CCDC178: variants seen among roughly 807,000 people sequenced by gnomAD.
CCDC178 encodes the protein coiled-coil domain-containing protein 178.
CCDC178 carries 126 observed loss-of-function variants against 117.4 expected under a neutral mutation model. That is an observed-to-expected ratio of 1.07 (90% confidence interval 0.93 to 1.24). The LOEUF (loss-of-function observed/expected upper bound fraction) is 1.24. Among genes scored for constraint, CCDC178 ranks in the 50% most tolerant of loss-of-function variants. CCDC178 has a pLI of 0.00. For missense variants in CCDC178, 1,030 were observed against 986.9 expected, an observed-to-expected ratio of 1.04 and a Z score of -0.59; for synonymous variants, 283 against 313.4, an observed-to-expected ratio of 0.90 and a Z score of 1.02.
At chr18:33,094,370 A>AT (rs2057511324) in intron 20 of CCDC178, among the ~76,000 whole-genome samples, 1 of 152,030 alleles carries the variant, frequency 6.6e-6, no homozygotes, top group Non-Finnish European at 1.5e-5. Context: ...AGCTATACTA[A>AT]TTTAAGATTT....
chr18:32,999,633 C>T (rs557172086), intron 21 of CCDC178, among the ~76,000 whole-genome samples: 51 of 152,222 alleles, frequency 3.4e-4, no homozygotes, highest in African/African-American at 1.2e-3. Flanking sequence ...CCATGCAGCT[C>T]AGCACAGAGA....
chr18:33,330,997 T>C (rs2062659479), intron 10 of CCDC178, among the ~76,000 whole-genome samples: 1 of 149,798 alleles, frequency 6.7e-6, no homozygotes, highest in Non-Finnish European at 1.5e-5. Context: ...ACTGTCATTT[T>C]GGCCCTGATA....
At chr18:33,288,700 T>G (rs1215588161) in intron 12 of CCDC178, among the ~76,000 whole-genome samples, 2 of 152,034 alleles carry the variant, frequency 1.3e-5, no homozygotes, top group African/African-American at 2.4e-5. Flanking sequence ...GTTCAAAGCA[T>G]AAGGAAGAAA....
chr18:33,253,378 T>C lies in CCDC178; in HGVS notation c.1410-7950A>G, dbSNP rs572489949. 2.6e-5 allele frequency among the ~76,000 whole-genome samples: 4 copies of C among 151,958 alleles called. No individual in the cohort carries two copies. The East Asian group carries it at 7.8e-4, about 30-fold the overall frequency. On this transcript the variant is annotated intron_variant, in intron 14 of 22. Coordinates refer to ENST00000383096, the MANE Select transcript of CCDC178 (RefSeq NM_001105528.4). ...AAATGACATCAAATGTTGAGATAGT[T>C]TTCTAATGGAATCTTAGTGTACATA...
chr18:33,182,212 C>T (rs2058739949), intron 20 of CCDC178, among the ~76,000 whole-genome samples: 1 of 151,792 alleles, frequency 6.6e-6, no homozygotes, highest in Non-Finnish European at 1.5e-5. Context: ...AGACACAGTT[C>T]CTTCAAGACT....
chr18:33,370,341 C>A (rs2063280678), intron 5 of CCDC178, 152 bp from the exon 6 acceptor site: 1 of 432,052 alleles, frequency 2.3e-6, no homozygotes, highest in East Asian at 3.6e-5. Context: ...AATTATAGAA[C>A]AAATCTTTAA....
rs1326263718 is a variant in CCDC178, at chr18:33,346,420, GAAAT to G, written c.458-13_458-10del. The G allele has an allele frequency of 2.5e-6, 4 of 1,576,086 alleles. No homozygotes were observed. In the South Asian group the frequency reaches 3.4e-5, roughly 13 times the overall value. On this transcript the variant is annotated splice_polypyrimidine_tract_variant and intron_variant, in intron 8 of 22. Coordinates refer to ENST00000383096, the MANE Select transcript of CCDC178 (RefSeq NM_001105528.4). ...CTCTGGACACTTTTCATCTTAAACAGAAATAAATATTCACATTTGTTAATAAATC... is the reference window on the plus strand; with the variant it reads ...CTCTGGACACTTTTCATCTTAAACAGAAATATTCACATTTGTTAATAAATC...
intron 20 of CCDC178, among the ~76,000 whole-genome samples, chr18:33,161,211 A>C (rs539740511): frequency 6.6e-6 from 1 of 152,290 alleles, no homozygotes; most frequent in Non-Finnish European, 1.5e-5. Flanking sequence ...GACCTTGGAA[A>C]ATCAAAGATC....
chr18:33,275,200 C>G (rs2059933553), intron 12 of CCDC178, among the ~76,000 whole-genome samples: 1 of 151,796 alleles, frequency 6.6e-6, no homozygotes, highest in Non-Finnish European at 1.5e-5. Context: ...TTTAAAAATA[C>G]CAACCATTCT....
intron 16 of CCDC178, 52 bp downstream of exon 16, chr18:33,226,741 G>A: frequency 7.7e-7 from 1 of 1,299,872 alleles, no homozygotes; most frequent in South Asian, 1.3e-5. Context: ...AAAATGCTAA[G>A]TAAAATGCAA....
At chr18:33,303,669 T>C (rs986687952) in intron 11 of CCDC178, among the ~76,000 whole-genome samples, 9 of 149,602 alleles carry the variant, frequency 6.0e-5, no homozygotes, top group African/African-American at 2.0e-4. Flanking sequence ...AAACATAAAG[T>C]CTAGTTTTTA....
intron 11 of CCDC178, among the ~76,000 whole-genome samples, chr18:33,304,075 GAA>G (rs2144920058): frequency 6.6e-6 from 1 of 152,242 alleles, no homozygotes; most frequent in East Asian, 1.9e-4. Context: ...GCAAAAAAAA[GAA>G]GTGATGGATT....
chr18:32,955,647 A>G (rs2054578387), intron 22 of CCDC178, among the ~76,000 whole-genome samples: 1 of 151,924 alleles, frequency 6.6e-6, no homozygotes, highest in African/African-American at 2.4e-5. Context: ...ACACACATAC[A>G]CTCCCAGATC....
intron 21 of CCDC178, among the ~76,000 whole-genome samples, chr18:33,076,805 A>G (rs1403790825): frequency 1.3e-5 from 2 of 152,124 alleles, no homozygotes; most frequent in African/African-American, 4.8e-5. Flanking sequence ...TTTACTCTGT[A>G]TTCTCTGCTA....
At chr18:33,260,872 C>G (rs375532906) in intron 14 of CCDC178, among the ~76,000 whole-genome samples, 1 of 151,840 alleles carries the variant, frequency 6.6e-6, no homozygotes, top group South Asian at 2.1e-4. Flanking sequence ...TGAATGTATA[C>G]GTATAGGTCT....
At chr18:33,017,795 C>G (rs2056024366) in intron 21 of CCDC178, among the ~76,000 whole-genome samples, 1 of 151,688 alleles carries the variant, frequency 6.6e-6, no homozygotes, top group Non-Finnish European at 1.5e-5. Context: ...AAAATGGACT[C>G]AAATGGATCA....
intron 21 of CCDC178, among the ~76,000 whole-genome samples, chr18:33,079,824 G>A (rs1005243930): frequency 6.6e-6 from 1 of 152,164 alleles, no homozygotes; most frequent in African/African-American, 2.4e-5. Flanking sequence ...AATACACTTG[G>A]TGGGAGTGTA....
chr18:33,337,135 C>CT lies in CCDC178; in HGVS notation c.659-3742dup, dbSNP rs71159820. Among the ~76,000 whole-genome samples the CT allele has an allele frequency of 8.4e-3, 1,132 of 135,414 alleles. 5 individuals are homozygous for CT. The highest frequency in any genetic ancestry group is 0.011 in the Non-Finnish European group (680 of 62,206). 88.8% of individuals were successfully genotyped at this position (135,414 alleles called of 152,430 possible). A position where few individuals can be genotyped will look rare whatever the true frequency, so the allele number is the denominator to read the frequency against. ...TCACATCCTTAGGTATATTCCTAAG[C>CT]TTTTTTTTTTTTTTTGCAGCTATCA... On this transcript the variant is annotated intron_variant, in intron 9 of 22. Transcript: ENST00000383096.
intron 20 of CCDC178, among the ~76,000 whole-genome samples, chr18:33,147,433 G>T (rs1171783026): frequency 6.8e-6 from 1 of 147,854 alleles, no homozygotes; most frequent in Non-Finnish European, 1.5e-5. Context: ...ATTTGGCAGG[G>T]TCATAGGACA....
Sources: allele counts gnomAD v4.1 joint callset (sites outside exome capture counted in the v4.1 genomes callset), GRCh38; gene constraint gnomAD v4.1.1; transcripts MANE v1.5; gene names NCBI Gene and HGNC (gene_info 2026-07-23, HGNC 2026-07-21).